Variants in SRBD1 observed in about 807,000 individuals in gnomAD.
SRBD1 encodes S1 RNA binding domain 1.
In SRBD1, 88 loss-of-function variants were observed where a neutral mutation model predicts 115.3. The observed-to-expected ratio is 0.76, with a 90% CI of 0.64 to 0.91. The LOEUF (loss-of-function observed/expected upper bound fraction) is 0.91. SRBD1 is among the 40% of genes least tolerant of loss of function. The pLI is 0.00. For synonymous variants in SRBD1, 509 were observed against 407.7 expected (o/e 1.25, Z -2.99); for missense variants, 1,385 against 1,177.4 (o/e 1.18, Z -2.58).
At chr2:45,585,912 G>A (rs1001167588) in intron 4 of SRBD1, 138 bp from the exon 5 acceptor site, 1 of 657,226 alleles carries the variant, frequency 1.5e-6, no homozygotes, top group Admixed American at 3.8e-5. Context: ...AAAAAAGAAA[G>A]CCATATAAAA....
At chr2:45,607,999 G>C (rs1310634870) in intron 1 of SRBD1, among the ~76,000 whole-genome samples, 1 of 152,126 alleles carries the variant, frequency 6.6e-6, no homozygotes, top group Non-Finnish European at 1.5e-5. Context: ...AACCCACCCA[G>C]ATCACCTTAC....
chr2:45,598,515 G>C (rs1673977877), intron 4 of SRBD1, among the ~76,000 whole-genome samples: 1 of 152,000 alleles, frequency 6.6e-6, no homozygotes, highest in Admixed American at 6.5e-5. Flanking sequence ...TCGGGAGGCT[G>C]AGGCAGGAGA....
chr2:45,582,779 C>A (rs960434807), intron 5 of SRBD1, among the ~76,000 whole-genome samples: 1 of 152,104 alleles, frequency 6.6e-6, no homozygotes, highest in African/African-American at 2.4e-5. Flanking sequence ...TTCCCTGCCC[C>A]AGCCCTGGAA....
chr2:45,541,616 C>G (rs1165583687), intron 14 of SRBD1, among the ~76,000 whole-genome samples: 1 of 152,250 alleles, frequency 6.6e-6, no homozygotes, highest in Non-Finnish European at 1.5e-5. Flanking sequence ...GAGTGTCTAG[C>G]TCTCAGCAGA....
At chr2:45,391,598 A>G (rs780340337) in intron 20 of SRBD1, among the ~76,000 whole-genome samples, 5 of 152,170 alleles carry the variant, frequency 3.3e-5, no homozygotes, top group Non-Finnish European at 5.9e-5. Flanking sequence ...ATTAGAGCAA[A>G]GGTCAGTTCC....
chr2:45,414,758 AG>A (rs1412501663), intron 18 of SRBD1, among the ~76,000 whole-genome samples: 1 of 88,042 alleles, frequency 1.1e-5, no homozygotes, highest in African/African-American at 4.7e-5. Flanking sequence ...ACACACACAC[AG>A]TGTGTATATA....
intron 11 of SRBD1, among the ~76,000 whole-genome samples, chr2:45,551,527 C>G (rs1224486939): frequency 6.6e-6 from 1 of 152,162 alleles, no homozygotes; most frequent in Non-Finnish European, 1.5e-5. Context: ...TCTATCTGCT[C>G]TCTACTGTAT....
chr2:45,609,578 G>C (rs35316747), intron 1 of SRBD1, among the ~76,000 whole-genome samples: 1 of 152,266 alleles, frequency 6.6e-6, no homozygotes, highest in Admixed American at 6.5e-5. Context: ...GGCCCTGTCG[G>C]ACTGAGCCCT....
At chr2:45,577,153 T>A (rs1370724372) in intron 7 of SRBD1, among the ~76,000 whole-genome samples, 1 of 152,124 alleles carries the variant, frequency 6.6e-6, no homozygotes, top group Admixed American at 6.5e-5. Flanking sequence ...TGGTTCTCAA[T>A]GGGAGATAGA....
intron 19 of SRBD1, among the ~76,000 whole-genome samples, chr2:45,393,473 T>A (rs924025924): frequency 1.3e-5 from 2 of 152,178 alleles, no homozygotes; most frequent in Non-Finnish European, 2.9e-5. Context: ...CTCCGCCTCC[T>A]GGGTTCACGC....
In SRBD1 at chr2:45,587,004, T is replaced by A. The variant is rs1205509678; in HGVS notation, c.649-1230A>T. ...TTTAAAATTATTTTAAATATTTAAT[T>A]ATTTTAAATTATAAATATTAAAATA... On this transcript the variant is annotated intron_variant, in intron 4 of 20. Coordinates refer to ENST00000263736, the MANE Select transcript of SRBD1 (RefSeq NM_018079.5). Among the ~76,000 whole-genome samples the A allele has an allele frequency of 1.4e-4, 13 of 95,066 alleles. No homozygotes were observed. In the East Asian group the frequency reaches 2.9e-3, roughly 21 times the overall value. 62.4% of individuals were successfully genotyped at this position (95,066 alleles called of 152,430 possible). A position where few individuals can be genotyped will look rare whatever the true frequency, so the allele number is the denominator to read the frequency against.
chr2:45,586,042 G>A (rs112315468), intron 4 of SRBD1, among the ~76,000 whole-genome samples: 61 of 152,248 alleles, frequency 4.0e-4, no homozygotes, highest in African/African-American at 1.1e-3. Context: ...TTTTAATGAT[G>A]CAATGATATA....
intron 7 of SRBD1, 114 bp downstream of exon 7, chr2:45,579,761 C>T: frequency 1.7e-6 from 2 of 1,211,320 alleles, no homozygotes; most frequent in Non-Finnish European, 2.2e-6. Flanking sequence ...TCTACATACG[C>T]TGTAATATTC....
chr2:45,604,350 C>G (rs965238538), intron 2 of SRBD1, among the ~76,000 whole-genome samples: 2 of 125,318 alleles, frequency 1.6e-5, no homozygotes, highest in Admixed American at 9.5e-5. Flanking sequence ...AGCCATAAGA[C>G]AAGATCAGCT....
intron 16 of SRBD1, among the ~76,000 whole-genome samples, chr2:45,453,061 C>G (rs533759795): frequency 2.0e-5 from 3 of 151,798 alleles, no homozygotes; most frequent in South Asian, 2.1e-4. Context: ...AAAACCTCAC[C>G]GAATAGCAAT....
chr2:45,566,146 A>G (rs1672823712), intron 9 of SRBD1, among the ~76,000 whole-genome samples: 1 of 152,196 alleles, frequency 6.6e-6, no homozygotes, highest in Admixed American at 6.5e-5. Context: ...TCTGGAAAAT[A>G]TGGCAGTTCC....
At chr2:45,466,460 T>A (rs900370751) in intron 16 of SRBD1, among the ~76,000 whole-genome samples, 1 of 152,158 alleles carries the variant, frequency 6.6e-6, no homozygotes. Flanking sequence ...CTGACCTCCT[T>A]AAATAACTCT....
chr2:45,442,455 C>T (rs1668698510), intron 16 of SRBD1, among the ~76,000 whole-genome samples: 1 of 152,186 alleles, frequency 6.6e-6, no homozygotes, highest in South Asian at 2.1e-4. Flanking sequence ...TGAAACCACA[C>T]CCATTTGACC....
At chr2:45,427,053 C>G (rs971817947) in intron 16 of SRBD1, among the ~76,000 whole-genome samples, 5 of 152,076 alleles carry the variant, frequency 3.3e-5, no homozygotes, top group Non-Finnish European at 5.9e-5. Context: ...CAAACTACTC[C>G]GAGCTAAAGA....
Sources: gnomAD v4.1 joint callset for allele counts (sites outside exome capture counted in the v4.1 genomes callset) on GRCh38, gnomAD v4.1.1 for gene constraint, MANE v1.5 for transcripts, NCBI Gene and HGNC (gene_info 2026-07-23, HGNC 2026-07-21) for gene names.